The following ITGA11 variants were observed in gnomAD, a reference collection of about 807,000 sequenced individuals.
The protein encoded by ITGA11 is integrin alpha-11.
A neutral mutation model predicts 141.9 loss-of-function variants in ITGA11; 97 were observed. The ratio of observed to expected loss-of-function variants is 0.68; its 90% CI spans 0.58 to 0.81. The LOEUF is 0.81. Among genes scored for constraint, ITGA11 ranks in the 30% least tolerant of loss-of-function variants. The probability of loss-of-function intolerance (pLI) is 0.00; values close to 1 mark genes in which losing one functional copy is unlikely to be tolerated. For synonymous variants in ITGA11, 658 were observed against 624.6 expected (o/e 1.05, Z -0.80); for missense variants, 1,387 against 1,559.2 (o/e 0.89, Z 1.86).
intron 2 of ITGA11, among the ~76,000 whole-genome samples, chr15:68,380,568 G>A (rs1222521726): frequency 6.6e-6 from 1 of 152,198 alleles, no homozygotes; most frequent in Non-Finnish European, 1.5e-5. Flanking sequence ...GGGCACAGAG[G>A]AAGGGTTCTT....
rs752928234 is a variant in ITGA11 at position 68,332,425 on chromosome 15, G to A, written c.1479C>T (p.Gly493=). ...EITSVDIDGD[G]VTDVLLVGAP... ...CGCCCACCAGCAGGACATCAGTCAC[G>A]CCGTCGCCGTCGATGTCCACCGAGG... The change falls in exon 13 of 30, where the codon GGC becomes GGT. Residue 493 remains glycine, a synonymous_variant. Coordinates refer to ENST00000315757, the MANE Select transcript of ITGA11 (RefSeq NM_001004439.2). 8 of 1,611,128 alleles carry A rather than the reference G, an allele frequency of 5.0e-6. No individual in the cohort carries two copies. In the East Asian group the frequency reaches 8.9e-5, roughly 18 times the overall value.
chr15:68,355,737 G>T (rs1483319144), intron 7 of ITGA11, among the ~76,000 whole-genome samples: 1 of 150,950 alleles, frequency 6.6e-6, no homozygotes, highest in Non-Finnish European at 1.5e-5. Flanking sequence ...CTGAGCCACC[G>T]CACCTGGCCT....
Position 68,321,411 on chromosome 15 carries a change from A to C in ITGA11, c.2408+7T>G. On this transcript the variant is annotated splice_region_variant and intron_variant, in intron 19 of 29. Coordinates refer to ENST00000315757, the MANE Select transcript of ITGA11 (RefSeq NM_001004439.2). The surrounding 1 kb of genome is among the most constrained non-coding windows in gnomAD (Gnocchi z 4.9). ...GGCGAGGGTGGGGGTGGAAGGAGCC[A>C]ACTCACATGGCCGTGGGCAGGTCAC... is the stretch of plus-strand genomic sequence containing the variant. 5.1e-6 allele frequency: 8 copies of C among 1,561,292 alleles called. No individual in the cohort carries two copies. The highest frequency in any genetic ancestry group is 7.0e-6 in the Non-Finnish European group (8 of 1,150,750).
chr15:68,307,473 G>A lies in ITGA11; in HGVS notation c.3286-30C>T. The A allele has an allele frequency of 1.9e-6, 3 of 1,542,986 alleles. No homozygotes were observed. Among genetic ancestry groups the A allele is most frequent in the Non-Finnish European group, 2.6e-6 (3 of 1,137,922 alleles). On this transcript the variant is annotated intron_variant, in intron 27 of 29. Coordinates refer to ENST00000315757, the MANE Select transcript of ITGA11 (RefSeq NM_001004439.2). This position sits in a 1 kb window ranked among gnomAD's most constrained non-coding sequence, Gnocchi z 6.1. ...GCAATCAGAGGGCTCGTCAGAAGCT[G>A]GCTTGGAAGCTTTTCTTCCCGTCCC...
intron 1 of ITGA11, among the ~76,000 whole-genome samples, chr15:68,408,847 T>G (rs1595895518): frequency 6.6e-6 from 1 of 152,172 alleles, no homozygotes; most frequent in Non-Finnish European, 1.5e-5. Context: ...GGATGGGCTT[T>G]CAGTTCTGGG....
chr15:68,340,213 CAA>C (rs10618087), intron 10 of ITGA11, among the ~76,000 whole-genome samples: 3,714 of 143,394 alleles, frequency 0.026, 80 homozygotes, highest in Middle Eastern at 0.084. Context: ...CTTGAAGATA[CAA>C]AAAAAAAAAA....
At chr15:68,339,068 C>T (rs980245367) in intron 11 of ITGA11, among the ~76,000 whole-genome samples, 7 of 152,304 alleles carry the variant, frequency 4.6e-5, no homozygotes, top group South Asian at 2.1e-4. Flanking sequence ...TCATGGGCAG[C>T]GACTTCTGCC....
chr15:68,424,443 T>A (rs1042176083), intron 1 of ITGA11, among the ~76,000 whole-genome samples: 1 of 152,212 alleles, frequency 6.6e-6, no homozygotes, highest in African/African-American at 2.4e-5. Context: ...CCATCTTGGA[T>A]GCCCGTTAGA....
At chr15:68,341,439 A>C (rs1456683503) in intron 10 of ITGA11, among the ~76,000 whole-genome samples, 1 of 152,194 alleles carries the variant, frequency 6.6e-6, no homozygotes, top group Non-Finnish European at 1.5e-5. Flanking sequence ...CATTATTTGC[A>C]CTTGACAAAT....
At chr15:68,390,490 G>A (rs559764554) in intron 2 of ITGA11, among the ~76,000 whole-genome samples, 3 of 152,210 alleles carry the variant, frequency 2.0e-5, no homozygotes, top group South Asian at 4.1e-4. Context: ...CGGATCCTTG[G>A]GGGGTTACAG....
chr15:68,303,730 A>G lies in ITGA11; in HGVS notation c.3495+42T>C, dbSNP rs745408469. 2 of 1,415,130 alleles carry G rather than the reference A, an allele frequency of 1.4e-6. No individual in the cohort carries two copies. Among genetic ancestry groups the G allele is most frequent in the South Asian group, 1.2e-5 (1 of 84,512 alleles). 87.7% of individuals were successfully genotyped at this position (1,415,130 alleles called of 1,614,324 possible). On this transcript the variant is annotated intron_variant, in intron 29 of 29. Coordinates refer to ENST00000315757, the MANE Select transcript of ITGA11 (RefSeq NM_001004439.2). This position sits in a 1 kb window ranked among gnomAD's most constrained non-coding sequence, Gnocchi z 5.3. ...CCAGGGGCTGGAGCCTGGGCCCACCAGCCAGGATGCTGCTCCTTCCCTCCC... is the reference window on the plus strand; with the variant it reads ...CCAGGGGCTGGAGCCTGGGCCCACCGGCCAGGATGCTGCTCCTTCCCTCCC...
chr15:68,352,164 T>A (rs1458421838), intron 7 of ITGA11, among the ~76,000 whole-genome samples: 1 of 150,442 alleles, frequency 6.6e-6, no homozygotes, highest in Non-Finnish European at 1.5e-5. Context: ...GAAATTGGAA[T>A]CTCTGGGGTG....
chr15:68,379,094 C>T (rs1895798054), intron 2 of ITGA11, among the ~76,000 whole-genome samples: 1 of 152,214 alleles, frequency 6.6e-6, no homozygotes, highest in Non-Finnish European at 1.5e-5. Context: ...GAGTGTCAAT[C>T]TTCAGCACCC....
chr15:68,309,146 C>CA (rs1458378422), intron 26 of ITGA11, among the ~76,000 whole-genome samples: 1 of 152,042 alleles, frequency 6.6e-6, no homozygotes, highest in Non-Finnish European at 1.5e-5. Context: ...AGACAAAGCA[C>CA]AAAAAAAGCA....
At chr15:68,352,163 A>G (rs1295507196) in intron 7 of ITGA11, among the ~76,000 whole-genome samples, 2 of 151,516 alleles carry the variant, frequency 1.3e-5, no homozygotes, top group East Asian at 3.9e-4. Context: ...TGAAATTGGA[A>G]TCTCTGGGGT....
intron 2 of ITGA11, among the ~76,000 whole-genome samples, chr15:68,384,264 TAAA>T (rs61654399): frequency 3.0e-5 from 4 of 132,650 alleles, no homozygotes; most frequent in Non-Finnish European, 3.1e-5. Context: ...GGTTTGGCAT[TAAA>T]AAAAAAAAAA....
At position 68,299,260 on chromosome 15, in the gene ITGA11, T is replaced by G. The variant is rs1892973179; in HGVS notation, c.*3799A>C. On this transcript the variant is annotated 3_prime_UTR_variant, in exon 30 of 30. Transcript: ENST00000315757. ...GGCTCCGTTCCTGTTTCAGTTTCAG[T>G]TTTGGAACATGCTGTCCTATTTTAG... The G allele has an allele frequency of 6.6e-6, 1 of 152,152 alleles. No homozygotes were observed. The highest frequency in any genetic ancestry group is 1.5e-5 in the Non-Finnish European group (1 of 68,026). The allele number at this position is 152,152 out of a possible 1,614,324, so 9.4% of individuals were successfully genotyped here. A position where few individuals can be genotyped will look rare whatever the true frequency, so the allele number is the denominator to read the frequency against.
At chr15:68,350,395 G>A (rs1894867233) in intron 9 of ITGA11, among the ~76,000 whole-genome samples, 1 of 152,008 alleles carries the variant, frequency 6.6e-6, no homozygotes, top group African/African-American at 2.4e-5. Context: ...TTGCCTTGCT[G>A]ACCAAACTGG....
rs1405579822 is a variant in ITGA11, at chr15:68,432,087, G to A, written c.-21C>T. On this transcript the variant is annotated 5_prime_UTR_variant, in exon 1 of 30. Transcript: ENST00000315757. ...TCCATGGCCCGCGGCACGGCGGCTG[G>A]GTCCGGTGTGCAGCGGCGGCGGGGG... is the stretch of plus-strand genomic sequence containing the variant. 4 of 1,366,424 alleles carry A rather than the reference G, an allele frequency of 2.9e-6. No homozygotes were observed. The highest frequency in any genetic ancestry group is 3.1e-5 in the African/African-American group (2 of 65,278). 84.6% of individuals were successfully genotyped at this position (1,366,424 alleles called of 1,614,324 possible).
Sources: gnomAD v4.1 joint callset for allele counts (sites outside exome capture counted in the v4.1 genomes callset) on GRCh38, gnomAD v4.1.1 for gene constraint, Gnocchi (gnomAD v3.1) non-coding constraint, MANE v1.5 for transcripts, NCBI Gene and HGNC (gene_info 2026-07-23, HGNC 2026-07-21) for gene names.